Variants in MECOM observed in about 807,000 individuals in gnomAD.
MECOM encodes MDS1 and EVI1 complex locus, also known as histone-lysine N-methyltransferase MECOM.
Under a neutral mutation model 116.3 loss-of-function variants are expected in MECOM, and 13 were observed. That is an observed-to-expected ratio of 0.11 (90% CI 0.07 to 0.18). The LOEUF is 0.18. Ranked by LOEUF, MECOM falls within the 10% of genes least tolerant of loss-of-function variation. The probability of loss-of-function intolerance (pLI) is 1.00; values close to 1 mark genes in which losing one functional copy is unlikely to be tolerated. For missense variants in MECOM, 1,299 were observed against 1,509.0 expected, an observed-to-expected ratio of 0.86 and a Z score of 2.31; for synonymous variants, 528 against 535.2, an observed-to-expected ratio of 0.99 and a Z score of 0.19.
At chr3:169,317,793 C>CA (rs1229777441) in intron 2 of MECOM, among the ~76,000 whole-genome samples, 2 of 151,940 alleles carry the variant, frequency 1.3e-5, no homozygotes, top group Non-Finnish European at 2.9e-5. Context: ...CATGTGGAAG[C>CA]AAAAAAGAGC....
chr3:169,592,309 G>A (rs562362247), intron 1 of MECOM, among the ~76,000 whole-genome samples: 69 of 152,314 alleles, frequency 4.5e-4, no homozygotes, highest in African/African-American at 1.6e-3. Flanking sequence ...GACGGATGTG[G>A]CTGCCTCCAG....
intron 5 of MECOM, among the ~76,000 whole-genome samples, chr3:169,124,998 A>T (rs1267526949): frequency 6.6e-6 from 1 of 152,118 alleles, no homozygotes; most frequent in Admixed American, 6.6e-5. Flanking sequence ...TCATATCTTG[A>T]TAAATTAGAA....
At chr3:169,427,390 G>C (rs916268188) in intron 1 of MECOM, among the ~76,000 whole-genome samples, 1 of 152,112 alleles carries the variant, frequency 6.6e-6, no homozygotes, top group African/African-American at 2.4e-5. Context: ...ATGAGGTTTT[G>C]AGTATACTAT....
intron 2 of MECOM, among the ~76,000 whole-genome samples, chr3:169,247,663 C>T (rs1475878623): frequency 6.6e-6 from 1 of 152,198 alleles, no homozygotes; most frequent in Non-Finnish European, 1.5e-5. Flanking sequence ...AATTGCATTT[C>T]AAGTTTCTTG....
rs138638668 is a variant in MECOM, at chr3:169,387,080, G to A, written c.38-5556C>T. On this transcript the variant is annotated intron_variant, in intron 1 of 16. Coordinates refer to ENST00000651503, the MANE Select transcript of MECOM (RefSeq NM_004991.4). The stretch of plus-strand genomic sequence containing the variant: ...TAGACAATTTGCCATTTGGTATTTC[G>A]ATTTTTTTTAACTTTTATGGAACTA... Among the ~76,000 whole-genome samples, 9 of 151,902 alleles carry A rather than the reference G, an allele frequency of 5.9e-5. No homozygotes were observed. The South Asian group carries it at 6.3e-4, about 11-fold the overall frequency.
intron 4 of MECOM, 87 bp from the exon 5 acceptor site, chr3:169,128,147 A>T: frequency 9.2e-7 from 1 of 1,088,570 alleles, no homozygotes; most frequent in Non-Finnish European, 1.4e-6. Context: ...ACAAGACATA[A>T]TAGGTATTAT....
chr3:169,378,330 A>T (rs1251572696), intron 2 of MECOM, among the ~76,000 whole-genome samples: 1 of 149,524 alleles, frequency 6.7e-6, no homozygotes, highest in Non-Finnish European at 1.5e-5. Context: ...AGACCAAAAA[A>T]GAAAGAAAAA....
intron 2 of MECOM, among the ~76,000 whole-genome samples, chr3:169,352,526 AACT>A (rs1273342056): frequency 6.6e-6 from 1 of 151,864 alleles, no homozygotes; most frequent in African/African-American, 2.4e-5. Flanking sequence ...TTTTTTCTGA[AACT>A]TGTTGGGGGG....
chr3:169,349,225 A>AC (rs772851090), intron 2 of MECOM, among the ~76,000 whole-genome samples: 28 of 150,990 alleles, frequency 1.9e-4, no homozygotes, highest in Non-Finnish European at 2.7e-4. Context: ...CGTAGGTTAG[A>AC]CCCCTCCTTC....
At chr3:169,634,241 A>AACACACACACAC (rs59934753) in intron 1 of MECOM, among the ~76,000 whole-genome samples, 321 of 149,170 alleles carry the variant, frequency 2.2e-3, no homozygotes, top group Middle Eastern at 0.014. Context: ...TGTGTGCACA[A>AACACACACACAC]ACACACACAC....
At chr3:169,473,772 AAAACAC>A (rs902947840) in intron 1 of MECOM, among the ~76,000 whole-genome samples, 6 of 129,720 alleles carry the variant, frequency 4.6e-5, no homozygotes, top group African/African-American at 1.6e-4. Context: ...CCTCTTAGAA[AAAACAC>A]AAAAACAAAA....
At chr3:169,244,123 C>CAG (rs1196232707) in intron 2 of MECOM, among the ~76,000 whole-genome samples, 1 of 152,238 alleles carries the variant, frequency 6.6e-6, no homozygotes, top group Non-Finnish European at 1.5e-5. Flanking sequence ...CTCCACAACT[C>CAG]TCCTAACTGT....
intron 9 of MECOM, among the ~76,000 whole-genome samples, chr3:169,109,899 T>G (rs1726770993): frequency 6.6e-6 from 1 of 152,148 alleles, no homozygotes; most frequent in African/African-American, 2.4e-5. Context: ...ATTCAAAAAT[T>G]GTAAAACCAG....
chr3:169,247,906 C>CA (rs1755789508), intron 2 of MECOM, among the ~76,000 whole-genome samples: 1 of 152,156 alleles, frequency 6.6e-6, no homozygotes, highest in South Asian at 2.1e-4. Context: ...TGATAGAATT[C>CA]AGTTAAACCT....
intron 1 of MECOM, among the ~76,000 whole-genome samples, chr3:169,605,117 GA>G (rs909327114): frequency 6.6e-6 from 1 of 152,064 alleles, no homozygotes; most frequent in African/African-American, 2.4e-5. Flanking sequence ...GTCAATTGCA[GA>G]AATGCCGAAA....
At chr3:169,397,784 A>G (rs140978984) in intron 1 of MECOM, among the ~76,000 whole-genome samples, 3 of 152,348 alleles carry the variant, frequency 2.0e-5, no homozygotes, top group Non-Finnish European at 4.4e-5. Flanking sequence ...AGTGAGGAGT[A>G]GAAAGGATTC....
chr3:169,328,925 A>C (rs935088845), intron 2 of MECOM, among the ~76,000 whole-genome samples: 1 of 152,208 alleles, frequency 6.6e-6, no homozygotes. Flanking sequence ...GGCTATTTAC[A>C]TCTGAGTACC....
chr3:169,294,586 G>T (rs948380808), intron 2 of MECOM, among the ~76,000 whole-genome samples: 7 of 152,108 alleles, frequency 4.6e-5, no homozygotes, highest in African/African-American at 1.7e-4. Flanking sequence ...TCATCACATG[G>T]GAGAGAAGCC....
intron 1 of MECOM, among the ~76,000 whole-genome samples, chr3:169,486,427 C>A (rs1407073775): frequency 6.6e-6 from 1 of 151,980 alleles, no homozygotes; most frequent in Non-Finnish European, 1.5e-5. Context: ...CAGCAAGGCT[C>A]AGATCTTTCC....
Sources: gnomAD v4.1 joint callset for allele counts (sites outside exome capture counted in the v4.1 genomes callset) on GRCh38, gnomAD v4.1.1 for gene constraint, MANE v1.5 for transcripts, NCBI Gene and HGNC (gene_info 2026-07-23, HGNC 2026-07-21) for gene names.